Variants in FSTL5 observed in about 807,000 individuals in gnomAD.
FSTL5 encodes the protein follistatin-related protein 5.
In FSTL5, 62 loss-of-function variants were observed where a neutral mutation model predicts 89.1. The ratio of observed to expected loss-of-function variants is 0.70; its 90% CI spans 0.57 to 0.86. FSTL5 has a LOEUF of 0.86. Ranked by LOEUF, FSTL5 falls within the 40% of genes least tolerant of loss-of-function variation. The probability of loss-of-function intolerance (pLI) is 0.00; values close to 1 mark genes in which losing one functional copy is unlikely to be tolerated. For missense variants in FSTL5, 1,057 were observed against 1,001.6 expected (o/e 1.06, Z -0.75); for synonymous variants, 383 against 346.2 (o/e 1.11, Z -1.18).
chr4:161,941,929 AT>A (rs1417617209), intron 3 of FSTL5, among the ~76,000 whole-genome samples: 3 of 151,980 alleles, frequency 2.0e-5, no homozygotes, highest in Admixed American at 6.6e-5. Context: ...CAATTAAAAA[AT>A]TAAATAGTTC....
At chr4:161,681,184 T>A (rs1328241779) in intron 6 of FSTL5, among the ~76,000 whole-genome samples, 3 of 152,080 alleles carry the variant, frequency 2.0e-5, no homozygotes, top group African/African-American at 7.2e-5. Context: ...AAACAGAAAT[T>A]ATTAAACTAA....
At chr4:162,112,664 T>A (rs1731489043) in intron 1 of FSTL5, among the ~76,000 whole-genome samples, 1 of 152,136 alleles carries the variant, frequency 6.6e-6, no homozygotes, top group South Asian at 2.1e-4. Flanking sequence ...GGAATAGTTA[T>A]ATATACATCA....
At chr4:161,840,753 T>A (rs1054393090) in intron 4 of FSTL5, among the ~76,000 whole-genome samples, 3 of 152,200 alleles carry the variant, frequency 2.0e-5, no homozygotes, top group African/African-American at 7.2e-5. Context: ...GGGCAATTGA[T>A]GTGTTTATCC....
At chr4:161,417,281 C>A (rs1731822939) in intron 15 of FSTL5, among the ~76,000 whole-genome samples, 2 of 152,166 alleles carry the variant, frequency 1.3e-5, no homozygotes, top group African/African-American at 4.8e-5. Flanking sequence ...TTTGCTTTAA[C>A]TCTAGCTAAT....
intron 3 of FSTL5, among the ~76,000 whole-genome samples, chr4:161,924,217 AG>A (rs1734064937): frequency 6.6e-6 from 1 of 151,632 alleles, no homozygotes; most frequent in Non-Finnish European, 1.5e-5. Flanking sequence ...TTATTCCTTC[AG>A]AATATTAGAA....
chr4:161,568,178 G>A (rs912949874), intron 8 of FSTL5, among the ~76,000 whole-genome samples: 8 of 151,996 alleles, frequency 5.3e-5, no homozygotes, highest in African/African-American at 1.7e-4. Flanking sequence ...CACAATGCAG[G>A]TAATATTTTG....
At chr4:161,879,258 T>C (rs1283748723) in intron 4 of FSTL5, among the ~76,000 whole-genome samples, 1 of 152,188 alleles carries the variant, frequency 6.6e-6, no homozygotes, top group African/African-American at 2.4e-5. Flanking sequence ...CCTCCATTGC[T>C]ATAAAATTGC....
intron 5 of FSTL5, among the ~76,000 whole-genome samples, chr4:161,772,864 C>A (rs1306663444): frequency 3.3e-5 from 5 of 151,942 alleles, no homozygotes; most frequent in African/African-American, 1.2e-4. Context: ...TCATATGGAA[C>A]CAAAAAAGAG....
intron 15 of FSTL5, among the ~76,000 whole-genome samples, chr4:161,404,217 A>G (rs1731279717): frequency 6.6e-6 from 1 of 152,234 alleles, no homozygotes; most frequent in Non-Finnish European, 1.5e-5. Context: ...CTGAAAAATT[A>G]TCAAGAGGCA....
In FSTL5 at chr4:161,767,469, G is replaced by A. The variant is rs999336996; in HGVS notation, c.607-7938C>T. 6.6e-5 allele frequency among the ~76,000 whole-genome samples: 10 copies of A among 152,132 alleles called. No homozygotes were observed. In the South Asian group the frequency reaches 1.0e-3, roughly 16 times the overall value. ...TTGTAAAATTAAGTCAATTTAGACC[G>A]TAGCTTTTCAACCACAATTTTCACT... On this transcript the variant is annotated intron_variant, in intron 5 of 15. Coordinates refer to ENST00000306100, the MANE Select transcript of FSTL5 (RefSeq NM_020116.5).
intron 6 of FSTL5, among the ~76,000 whole-genome samples, chr4:161,708,374 T>C (rs1200068629): frequency 6.6e-6 from 1 of 152,040 alleles, no homozygotes; most frequent in African/African-American, 2.4e-5. Flanking sequence ...TTTTCTAAAA[T>C]AGCATCAGTA....
chr4:161,976,198 G>A (rs1403309313), intron 3 of FSTL5, among the ~76,000 whole-genome samples: 1 of 151,582 alleles, frequency 6.6e-6, no homozygotes, highest in African/African-American at 2.4e-5. Context: ...AAACTTAAGA[G>A]CGTAAGCCTT....
At chr4:161,634,220 G>A (rs182601633) in intron 7 of FSTL5, among the ~76,000 whole-genome samples, 1 of 152,164 alleles carries the variant, frequency 6.6e-6, no homozygotes. Flanking sequence ...ATTTGCAGGT[G>A]AACAGGAGAG....
chr4:161,783,304 G>T (rs1471888238), intron 4 of FSTL5, among the ~76,000 whole-genome samples: 1 of 152,006 alleles, frequency 6.6e-6, no homozygotes, highest in Non-Finnish European at 1.5e-5. Flanking sequence ...ATGAAAAGAC[G>T]TGCCTTTTAC....
At chr4:161,889,386 T>G (rs968767657) in intron 4 of FSTL5, among the ~76,000 whole-genome samples, 1 of 152,144 alleles carries the variant, frequency 6.6e-6, no homozygotes, top group Non-Finnish European at 1.5e-5. Context: ...CTCACACCTG[T>G]AATCCCAGAA....
intron 7 of FSTL5, among the ~76,000 whole-genome samples, chr4:161,597,573 A>C (rs9993383): frequency 0.49 from 74,369 of 150,490 alleles, 18,795 homozygotes; most frequent in African/African-American, 0.58. Context: ...GCACATGTAT[A>C]CATATGTGAC....
Position 161,415,554 on chromosome 4 carries a change from C to T in FSTL5, c.1842-29105G>A, listed in dbSNP as rs117152077. Among the ~76,000 whole-genome samples the T allele has an allele frequency of 3.5e-3, 531 of 151,960 alleles. 12 individuals are homozygous for T. In the East Asian group the frequency reaches 0.054, roughly 16 times the overall value. ...TCAGGCGTGAGTCACCACGCTCGGC[C>T]GTCTCTTCACTTTTGAGCCCCACTT... On this transcript the variant is annotated intron_variant, in intron 15 of 15. Coordinates refer to ENST00000306100, the MANE Select transcript of FSTL5 (RefSeq NM_020116.5).
At chr4:161,640,245 G>C (rs1408522931) in intron 7 of FSTL5, among the ~76,000 whole-genome samples, 1 of 152,086 alleles carries the variant, frequency 6.6e-6, no homozygotes, top group African/African-American at 2.4e-5. Flanking sequence ...TAACTGTCTA[G>C]TTTTCTTTAA....
At chr4:161,986,797 T>A (rs1735975910) in intron 3 of FSTL5, among the ~76,000 whole-genome samples, 1 of 152,144 alleles carries the variant, frequency 6.6e-6, no homozygotes, top group African/African-American at 2.4e-5. Flanking sequence ...TCACCATGTT[T>A]GACGTTGATG....
Sources: gnomAD v4.1 joint callset for allele counts (sites outside exome capture counted in the v4.1 genomes callset) on GRCh38, gnomAD v4.1.1 for gene constraint, MANE v1.5 for transcripts, NCBI Gene and HGNC (gene_info 2026-07-23, HGNC 2026-07-21) for gene names.